Variants in SNTG1 observed in about 807,000 individuals in gnomAD.
The protein encoded by SNTG1 is syntrophin gamma 1, also known as gamma-1-syntrophin.
A neutral mutation model predicts 74.7 loss-of-function variants in SNTG1; 39 were observed. The ratio of observed to expected loss-of-function variants is 0.52; its 90% CI spans 0.40 to 0.68. SNTG1 has a LOEUF of 0.68. Ranked by LOEUF, SNTG1 falls within the 30% of genes least tolerant of loss-of-function variation. SNTG1 has a pLI of 0.00. For missense variants in SNTG1, 685 were observed against 609.5 expected, an observed-to-expected ratio of 1.12 and a Z score of -1.30; for synonymous variants, 254 against 217.1, an observed-to-expected ratio of 1.17 and a Z score of -1.49.
At chr8:50,135,620 T>C (rs900309687) in intron 1 of SNTG1, among the ~76,000 whole-genome samples, 43 of 152,134 alleles carry the variant, frequency 2.8e-4, no homozygotes, top group South Asian at 4.1e-4. Context: ...TGGGGGACTT[T>C]CGTTTTTAAA....
chr8:50,645,373 C>T (rs776838401), intron 13 of SNTG1, among the ~76,000 whole-genome samples: 1 of 151,940 alleles, frequency 6.6e-6, no homozygotes, highest in African/African-American at 2.4e-5. Flanking sequence ...TAACTAGCCA[C>T]CTAATGTTTG....
chr8:50,245,109 A>G (rs1189919639), intron 2 of SNTG1, among the ~76,000 whole-genome samples: 1 of 152,178 alleles, frequency 6.6e-6, no homozygotes, highest in Non-Finnish European at 1.5e-5. Context: ...ATGTGTACGC[A>G]GCAATAAACA....
At chr8:50,407,524 G>T (rs773951816) in intron 4 of SNTG1, among the ~76,000 whole-genome samples, 2 of 152,112 alleles carry the variant, frequency 1.3e-5, no homozygotes. Flanking sequence ...CCCACAATAG[G>T]GAGGAAGTTG....
Position 50,633,736 on chromosome 8 carries a change from C to T in SNTG1, c.850-23173C>T, listed in dbSNP as rs972108306. Among the ~76,000 whole-genome samples the T allele has an allele frequency of 1.7e-4, 26 of 152,212 alleles. No homozygotes were observed. The South Asian group carries it at 2.5e-3, about 15-fold the overall frequency. ...AGGAAATGAACCCCAAATTCTATGG[C>T]GCTGAAACAGGTACCCATGTTATCA... On this transcript the variant is annotated intron_variant, in intron 13 of 18. Transcript: ENST00000642720.
chr8:50,024,834 G>A (rs927702200), intron 1 of SNTG1, among the ~76,000 whole-genome samples: 2 of 152,256 alleles, frequency 1.3e-5, no homozygotes, highest in East Asian at 1.9e-4. Context: ...TAGTGGGTGG[G>A]CAAGTAGTGT....
chr8:50,583,535 C>T (rs183415120), intron 12 of SNTG1, among the ~76,000 whole-genome samples: 130 of 152,092 alleles, frequency 8.5e-4, no homozygotes, highest in Admixed American at 6.3e-3. Flanking sequence ...TTCCTTTTTG[C>T]GATAGTCATC....
intron 1 of SNTG1, among the ~76,000 whole-genome samples, chr8:50,147,634 A>G (rs2081917964): frequency 6.6e-6 from 1 of 152,204 alleles, no homozygotes; most frequent in African/African-American, 2.4e-5. Context: ...CAGAGGAATA[A>G]GCCAGGAGGG....
intron 13 of SNTG1, among the ~76,000 whole-genome samples, chr8:50,601,336 G>T (rs1256088291): frequency 6.6e-6 from 1 of 151,628 alleles, no homozygotes; most frequent in African/African-American, 2.4e-5. Context: ...ATTACCATTT[G>T]TTTCAAGAGG....
chr8:50,677,063 T>A (rs1005983509), intron 15 of SNTG1, among the ~76,000 whole-genome samples: 3 of 151,988 alleles, frequency 2.0e-5, no homozygotes, highest in Non-Finnish European at 4.4e-5. Flanking sequence ...GGGTATTATT[T>A]CCTCATTAAA....
At chr8:50,389,976 G>A (rs770416420) in intron 2 of SNTG1, among the ~76,000 whole-genome samples, 1 of 152,108 alleles carries the variant, frequency 6.6e-6, no homozygotes, top group Non-Finnish European at 1.5e-5. Flanking sequence ...GTAGGTTCTG[G>A]ATATTAGCCC....
intron 1 of SNTG1, among the ~76,000 whole-genome samples, chr8:50,086,655 A>G (rs1337595056): frequency 2.6e-5 from 4 of 152,100 alleles, no homozygotes; most frequent in African/African-American, 9.7e-5. Flanking sequence ...TGTGCCTAAG[A>G]TACAAGAGAA....
rs1286540813 is a variant in SNTG1 at position 49,911,548 on chromosome 8, C to A, written c.-786C>A. 6 of 135,860 alleles carry A rather than the reference C, an allele frequency of 4.4e-5. No homozygotes were observed. The highest frequency in any genetic ancestry group is 6.2e-5 in the Non-Finnish European group (4 of 64,880). 8.4% of individuals were successfully genotyped at this position (135,860 alleles called of 1,614,324 possible). A position where few individuals can be genotyped will look rare whatever the true frequency, so the allele number is the denominator to read the frequency against. On this transcript the variant is annotated 5_prime_UTR_variant, in exon 1 of 19. Coordinates refer to ENST00000642720, the MANE Select transcript of SNTG1 (RefSeq NM_018967.5). ...GTTAATTTGGAGAAACAATTAGCCC[C>A]TACAAAAAAAAAAAAGAAAGAAAAA...
chr8:49,964,956 G>T (rs541294609), intron 1 of SNTG1, among the ~76,000 whole-genome samples: 104 of 152,278 alleles, frequency 6.8e-4, no homozygotes, highest in African/African-American at 2.4e-3. Flanking sequence ...ATATAAATTA[G>T]AGTTTATTTA....
chr8:50,179,732 T>C (rs1484699632), intron 2 of SNTG1, among the ~76,000 whole-genome samples: 3 of 152,140 alleles, frequency 2.0e-5, no homozygotes, highest in Non-Finnish European at 4.4e-5. Flanking sequence ...CAGTAAGATA[T>C]CACTTTACAT....
At chr8:49,914,977 A>G (rs960348811) in intron 1 of SNTG1, 2 of 152,200 alleles carry the variant, frequency 1.3e-5, no homozygotes, top group African/African-American at 4.8e-5. Flanking sequence ...TATTTAGCTT[A>G]GCAGAGTGAG....
intron 15 of SNTG1, among the ~76,000 whole-genome samples, chr8:50,697,750 A>C (rs980406541): frequency 6.6e-6 from 1 of 152,146 alleles, no homozygotes; most frequent in Non-Finnish European, 1.5e-5. Flanking sequence ...ATTTGTGTGC[A>C]TATGTTGAAT....
intron 1 of SNTG1, among the ~76,000 whole-genome samples, chr8:50,156,224 A>C (rs2082250226): frequency 6.6e-6 from 1 of 152,114 alleles, no homozygotes; most frequent in Admixed American, 6.6e-5. Context: ...CAAAACTTAC[A>C]CAAACTCTTT....
chr8:49,968,076 G>GT (rs113291732), intron 1 of SNTG1, among the ~76,000 whole-genome samples: 7,457 of 150,012 alleles, frequency 0.05, 590 homozygotes, highest in African/African-American at 0.17. Context: ...AACAGTCTTT[G>GT]TTTTTTTTTC....
rs939948137 is a variant in SNTG1 at position 49,921,158 on chromosome 8, A to G, written c.-103+8927A>G. The stretch of plus-strand genomic sequence containing the variant: ...TATGAAAATTTATTAGCTATTTGAG[A>G]GAATAAAAGAAAAACAATTGTTTAC... On this transcript the variant is annotated intron_variant, in intron 1 of 18. Transcript: ENST00000642720. Among the ~76,000 whole-genome samples, 10 of 152,118 alleles carry G rather than the reference A, an allele frequency of 6.6e-5. No homozygotes were observed. The East Asian group carries it at 1.7e-3, about 26-fold the overall frequency.
Sources: allele counts gnomAD v4.1 joint callset (sites outside exome capture counted in the v4.1 genomes callset), GRCh38; gene constraint gnomAD v4.1.1; transcripts MANE v1.5; gene names NCBI Gene and HGNC (gene_info 2026-07-23, HGNC 2026-07-21).